FBN2: variants seen among roughly 807,000 people sequenced by gnomAD.
FBN2 encodes fibrillin-2.
Under a neutral mutation model 355.6 loss-of-function variants are expected in FBN2, and 105 were observed. That is an observed-to-expected ratio of 0.30 (90% CI 0.25 to 0.35). The LOEUF (loss-of-function observed/expected upper bound fraction) is 0.35. Ranked by LOEUF, FBN2 falls within the 10% of genes least tolerant of loss-of-function variation. The pLI, the probability that FBN2 is intolerant of heterozygous loss-of-function variation, is 1.00. For synonymous variants in FBN2, 1,350 were observed against 1,301.2 expected, an observed-to-expected ratio of 1.04 and a Z score of -0.81; for missense variants, 3,280 against 3,758.7, an observed-to-expected ratio of 0.87 and a Z score of 3.33.
At chr5:128,357,661 C>G (rs561530531) in intron 19 of FBN2, among the ~76,000 whole-genome samples, 10 of 152,290 alleles carry the variant, frequency 6.6e-5, no homozygotes, top group African/African-American at 2.4e-4. Context: ...TACATCATCA[C>G]AACTTTACAT....
At chr5:128,382,662 C>A in intron 11 of FBN2, among the ~76,000 whole-genome samples, 1 of 152,098 alleles carries the variant, frequency 6.6e-6, no homozygotes, top group Admixed American at 6.6e-5. Flanking sequence ...GTTAACACCA[C>A]CACTATATGT....
At chr5:128,272,463 CATAT>C (rs3083327) in intron 61 of FBN2, among the ~76,000 whole-genome samples, 8 of 139,818 alleles carry the variant, frequency 5.7e-5, no homozygotes, top group South Asian at 2.3e-4. Flanking sequence ...TTTGGTAAAT[CATAT>C]ATATATATAT....
intron 6 of FBN2, among the ~76,000 whole-genome samples, chr5:128,454,740 C>A (rs1754339481): frequency 6.6e-6 from 1 of 152,174 alleles, no homozygotes; most frequent in Non-Finnish European, 1.5e-5. Flanking sequence ...TTTGCAGAAA[C>A]CAATTTAGGG....
At chr5:128,337,976 G>A (rs1174584583) in intron 27 of FBN2, 21 bp downstream of exon 27, 6 of 1,613,432 alleles carry the variant, frequency 3.7e-6, no homozygotes, top group South Asian at 1.1e-5. Flanking sequence ...GCAGGTTTAT[G>A]TGCTGAGGAG....
At chr5:128,399,900 G>A (rs1196265560) in intron 8 of FBN2, among the ~76,000 whole-genome samples, 1 of 151,286 alleles carries the variant, frequency 6.6e-6, no homozygotes, top group African/African-American at 2.4e-5. Context: ...ACCAAGAAAG[G>A]AGAAAAAAAT....
intron 34 of FBN2, 118 bp from the exon 35 acceptor site, chr5:128,319,119 T>C: frequency 1.3e-6 from 1 of 754,196 alleles, no homozygotes; most frequent in Non-Finnish European, 2.2e-6. Flanking sequence ...AGTAAGGCTT[T>C]TTTTTTCTCT....
chr5:128,528,313 C>T lies in FBN2; in HGVS notation c.437-346G>A, dbSNP rs1383488077. On this transcript the variant is annotated intron_variant, in intron 3 of 64. Coordinates refer to ENST00000262464, the MANE Select transcript of FBN2 (RefSeq NM_001999.4). Reference sequence around the variant, plus strand: ...CCCACCATTCCAGCTCAGTGCAGTACTGTCATAATGGACTTGAAAGCTATC... The same window carrying T: ...CCCACCATTCCAGCTCAGTGCAGTATTGTCATAATGGACTTGAAAGCTATC... Among the ~76,000 whole-genome samples, 5 of 152,296 alleles carry T rather than the reference C, an allele frequency of 3.3e-5. No homozygotes were observed. The South Asian group carries it at 8.3e-4, about 25-fold the overall frequency.
chr5:128,536,292 A>G (rs1581378880), intron 2 of FBN2, 110 bp downstream of exon 2: 1 of 820,086 alleles, frequency 1.2e-6, no homozygotes. Flanking sequence ...GTGCAATGTG[A>G]TCACTTGATT....
At chr5:128,491,198 A>C (rs1755494290) in intron 5 of FBN2, among the ~76,000 whole-genome samples, 1 of 152,216 alleles carries the variant, frequency 6.6e-6, no homozygotes, top group African/African-American at 2.4e-5. Context: ...AAGAACACAC[A>C]CAGTCTGTAC....
chr5:128,490,782 T>C (rs1382449477), intron 5 of FBN2, among the ~76,000 whole-genome samples: 1 of 152,208 alleles, frequency 6.6e-6, no homozygotes, highest in Non-Finnish European at 1.5e-5. Flanking sequence ...AATAAATTCA[T>C]CTCTTTTTTG....
intron 5 of FBN2, among the ~76,000 whole-genome samples, chr5:128,493,013 G>A (rs977652929): frequency 6.6e-6 from 1 of 151,988 alleles, no homozygotes; most frequent in Admixed American, 6.6e-5. Context: ...AAATTTCCTG[G>A]GCAAGTGCTA....
At chr5:128,471,165 A>C (rs923793460) in intron 5 of FBN2, among the ~76,000 whole-genome samples, 1 of 152,136 alleles carries the variant, frequency 6.6e-6, no homozygotes, top group Non-Finnish European at 1.5e-5. Flanking sequence ...CAATATGTGT[A>C]ACTTAATCTA....
At chr5:128,392,187 T>C (rs756706901) in intron 10 of FBN2, 32 bp from the exon 11 acceptor site, 1 of 1,593,120 alleles carries the variant, frequency 6.3e-7, no homozygotes, top group East Asian at 2.2e-5. Context: ...TTATATTTAA[T>C]CATTACAACA....
chr5:128,264,854 C>T (rs916897765), intron 62 of FBN2, among the ~76,000 whole-genome samples: 3 of 152,160 alleles, frequency 2.0e-5, no homozygotes, highest in African/African-American at 7.2e-5. Flanking sequence ...GGAAGATGCA[C>T]ATGGGCTCTC....
chr5:128,447,409 T>G (rs1267743272), intron 6 of FBN2, among the ~76,000 whole-genome samples: 1 of 152,180 alleles, frequency 6.6e-6, no homozygotes, highest in South Asian at 2.1e-4. Flanking sequence ...GGACTGTCTC[T>G]CTTTTACAGT....
chr5:128,468,530 G>T (rs931713456), intron 5 of FBN2, among the ~76,000 whole-genome samples: 4 of 152,088 alleles, frequency 2.6e-5, no homozygotes, highest in Non-Finnish European at 5.9e-5. Flanking sequence ...AACTTTCTAC[G>T]AAACTGCCAA....
chr5:128,345,779 T>C (rs984898805), intron 23 of FBN2, among the ~76,000 whole-genome samples, 195 bp from the exon 24 acceptor site: 1 of 152,172 alleles, frequency 6.6e-6, no homozygotes, highest in Non-Finnish European at 1.5e-5. Context: ...GAGATCCTCT[T>C]CAGTCTTAAT....
intron 15 of FBN2, 61 bp downstream of exon 15, chr5:128,374,567 C>A (rs910079374): frequency 2.6e-5 from 42 of 1,605,236 alleles, no homozygotes; most frequent in Non-Finnish European, 3.6e-5. Context: ...ATAGAAATAT[C>A]TCTGTCAGTT....
intron 7 of FBN2, among the ~76,000 whole-genome samples, chr5:128,429,592 G>GA (rs1158991011): frequency 2.0e-5 from 3 of 151,828 alleles, no homozygotes; most frequent in East Asian, 3.9e-4. Context: ...ATACTTTGTG[G>GA]AAAAAAACAT....
Sources: allele counts gnomAD v4.1 joint callset (sites outside exome capture counted in the v4.1 genomes callset), GRCh38; gene constraint gnomAD v4.1.1; transcripts MANE v1.5; gene names NCBI Gene and HGNC (gene_info 2026-07-23, HGNC 2026-07-21).